C3orf18: variants seen among roughly 807,000 people sequenced by gnomAD.
C3orf18 encodes chromosome 3 open reading frame 18, also known as uncharacterized protein C3orf18.
A neutral mutation model predicts 14.1 loss-of-function variants in C3orf18; 12 were observed. The observed-to-expected ratio is 0.85, with a 90% CI of 0.55 to 1.38. The LOEUF (loss-of-function observed/expected upper bound fraction) is 1.38. Among genes scored for constraint, C3orf18 ranks in the 40% most tolerant of loss-of-function variants. C3orf18 has a pLI of 0.00. For missense variants in C3orf18, 196 were observed against 213.9 expected (o/e 0.92, Z 0.52); for synonymous variants, 82 against 87.9 (o/e 0.93, Z 0.38).
At chr3:50,572,102 G>T, upstream of C3orf18, 2 of 1,613,704 alleles carry the variant, frequency 1.2e-6, no homozygotes, top group Non-Finnish European at 1.7e-6. Context: ...CCACCCAGCT[G>T]CCCCCTCTGC....
upstream of C3orf18, among the ~76,000 whole-genome samples, chr3:50,572,603 G>A (rs1701127363): frequency 2.0e-5 from 3 of 152,218 alleles, no homozygotes; most frequent in Non-Finnish European, 4.4e-5. Context: ...CCGGACACCT[G>A]GAGACCTGGT....
Position 50,559,694 on chromosome 3 carries a change from A to G in C3orf18, c.452T>C (p.Leu151Pro), listed in dbSNP as rs1448362084. Residue 151 changes from leucine to proline, a missense_variant, in exon 6 of 6, where the codon CTG becomes CCG. Transcript: ENST00000357203. ...SQGPLQRPSRLVFTDVANAIH... is the reference protein window; with the variant it reads ...SQGPLQRPSRPVFTDVANAIH... The stretch of plus-strand genomic sequence containing the variant: ...GGCATTGGCCACATCGGTAAACACC[A>G]GCCGGCTGGGTCTCTGCAGTGGGCC... 6 of 1,596,600 alleles carry G rather than the reference A, an allele frequency of 3.8e-6. No individual in the cohort carries two copies. The highest frequency in any genetic ancestry group is 1.1e-5 in the South Asian group (1 of 87,776).
chr3:50,567,387 C>T (rs80068458), intron 1 of C3orf18, 76 bp downstream of exon 1: 1,941 of 152,692 alleles, frequency 0.013, 36 homozygotes, highest in Non-Finnish European at 0.015. Flanking sequence ...GTCCTCCCTG[C>T]CCCAATCCCC....
In C3orf18 at chr3:50,559,303, A is replaced by C. The variant is rs1388599139; in HGVS notation, c.*354T>G. On this transcript the variant is annotated 3_prime_UTR_variant, in exon 6 of 6. Transcript: ENST00000357203. The stretch of plus-strand genomic sequence containing the variant: ...CCCCTTTCCTCCCCCAATCCCTCCC[A>C]CTCCGTATCTCCCTCATTTCCTCCA... 12 of 1,243,020 alleles carry C rather than the reference A, an allele frequency of 9.7e-6. No homozygotes were observed. In the South Asian group the frequency reaches 1.8e-4, roughly 18 times the overall value. The allele number at this position is 1,243,020 out of a possible 1,614,324, so 77.0% of individuals were successfully genotyped here. A position where few individuals can be genotyped will look rare whatever the true frequency, so the allele number is the denominator to read the frequency against.
upstream of C3orf18, chr3:50,571,567 G>A: frequency 1.2e-6 from 1 of 817,036 alleles, no homozygotes; most frequent in Non-Finnish European, 2.1e-6. Context: ...GTAACCTTAG[G>A]CAGGATGCTG....
Position 50,565,613 on chromosome 3 carries a change from C to G in C3orf18, c.87G>C (p.Gly29=), listed in dbSNP as rs1700244348. The part of the protein sequence containing the change: ...SESDLEPATD[G]PASETTTLSP... ...TGAGGGTAGTGGTCTCGGAGGCTGG[C>G]CCATCTGTGGCAGGTTCCAGGTCAG... Residue 29 remains glycine, a synonymous_variant, in exon 3 of 6, where the codon GGG becomes GGC. Coordinates refer to ENST00000357203, the MANE Select transcript of C3orf18 (RefSeq NM_016210.5). This position sits in a 1 kb window ranked among gnomAD's most constrained non-coding sequence, Gnocchi z 4.4. 1 of 1,613,830 alleles carries G rather than the reference C, an allele frequency of 6.2e-7. No individual in the cohort carries two copies. The highest frequency in any genetic ancestry group is 1.3e-5 in the African/African-American group (1 of 75,026).
chr3:50,558,834 T>A lies in C3orf18; in HGVS notation c.*823A>T. ...TCCACTACATACCATGGGGTAGAGG[T>A]CGACTTGGAGGGTGGGGCCAGTGTG... On this transcript the variant is annotated 3_prime_UTR_variant, in exon 6 of 6. Coordinates refer to ENST00000357203, the MANE Select transcript of C3orf18 (RefSeq NM_016210.5). The A allele has an allele frequency of 1.6e-6, 2 of 1,289,648 alleles. No individual in the cohort carries two copies. Among genetic ancestry groups the A allele is most frequent in the East Asian group, 1.1e-4 (2 of 18,004 alleles). 79.9% of individuals were successfully genotyped at this position (1,289,648 alleles called of 1,614,324 possible).
intron 3 of C3orf18, 107 bp from the exon 4 acceptor site, chr3:50,561,854 GGTCCCC>G: frequency 8.6e-7 from 1 of 1,164,680 alleles, no homozygotes; most frequent in South Asian, 1.2e-5. Context: ...GAGACCCGTG[GGTCCCC>G]GTCCTAATGA....
At chr3:50,571,607 T>C, upstream of C3orf18, 1 of 1,083,548 alleles carries the variant, frequency 9.2e-7, no homozygotes, top group Non-Finnish European at 1.4e-6. Context: ...ATGAGAGGGT[T>C]GGGCCTCCAG....
At chr3:50,571,547 T>G (rs1187658122), upstream of C3orf18, 30 of 739,752 alleles carry the variant, frequency 4.1e-5, no homozygotes, top group Non-Finnish European at 4.4e-5. Context: ...GGAAGCCTGG[T>G]GTTAGCTGTG....
At chr3:50,563,708 G>A (rs900803052) in intron 3 of C3orf18, among the ~76,000 whole-genome samples, 2 of 152,190 alleles carry the variant, frequency 1.3e-5, no homozygotes, top group Non-Finnish European at 2.9e-5. Flanking sequence ...CCTGTCTCCG[G>A]TCCCCAGGAG....
intron 3 of C3orf18, 49 bp from the exon 4 acceptor site, chr3:50,561,796 G>A (rs757162591): frequency 6.2e-7 from 1 of 1,605,700 alleles, no homozygotes. Flanking sequence ...AGGCCCTGAG[G>A]AACCCAGCAG....
In C3orf18 at chr3:50,560,977, C is replaced by T. The variant is rs370603003; in HGVS notation, c.348G>A (p.Glu116=). The change falls in exon 5 of 6, where the codon GAG becomes GAA. Residue 116 remains glutamate (E), a synonymous_variant. Transcript: ENST00000357203. ...GTACAGAGGCGGCGTCCCGCCCATG[C>T]TCCAGCAGCTCCTGCTCCAACTCAT... ...EQDELEQELL[E]HGRDAASVQA... 313 of 1,614,074 alleles carry T rather than the reference C, an allele frequency of 1.9e-4. 1 individual carries two copies. The highest frequency in any genetic ancestry group is 1.3e-4 in the Non-Finnish European group (148 of 1,180,030).
At chr3:50,572,443 T>C (rs778126944), upstream of C3orf18, among the ~76,000 whole-genome samples, 18 of 152,348 alleles carry the variant, frequency 1.2e-4, no homozygotes, top group Admixed American at 5.2e-4. Context: ...GGTCTGGCAA[T>C]GGCCCAGAGT....
upstream of C3orf18, among the ~76,000 whole-genome samples, chr3:50,573,888 C>T (rs1171347749): frequency 2.0e-5 from 3 of 152,224 alleles, no homozygotes; most frequent in Non-Finnish European, 2.9e-5. Flanking sequence ...GTAGGAAACT[C>T]AGGGCTGGGG....
At chr3:50,561,867 A>G in intron 3 of C3orf18, 120 bp from the exon 4 acceptor site, 7 of 953,424 alleles carry the variant, frequency 7.3e-6, no homozygotes, top group South Asian at 2.7e-5. Context: ...CCCCGTCCTA[A>G]TGACACATAC....
At chr3:50,566,553 G>C (rs1257459733) in intron 1 of C3orf18, among the ~76,000 whole-genome samples, 1 of 152,122 alleles carries the variant, frequency 6.6e-6, no homozygotes, top group African/African-American at 2.4e-5. Context: ...GTCACAAAGG[G>C]GAGCCAAGGG....
chr3:50,564,763 A>G (rs537727246), intron 3 of C3orf18, among the ~76,000 whole-genome samples: 2 of 152,246 alleles, frequency 1.3e-5, no homozygotes, highest in African/African-American at 4.8e-5. Context: ...TGCACAGATC[A>G]TCTTACCCAG....
At chr3:50,572,070 G>T (rs1307020680), upstream of C3orf18, 8 of 1,612,432 alleles carry the variant, frequency 5.0e-6, no homozygotes, top group Non-Finnish European at 6.8e-6. Context: ...GGTCCTGTTG[G>T]TCCTAGCTCT....
Sources: gnomAD v4.1 joint callset for allele counts (sites outside exome capture counted in the v4.1 genomes callset) on GRCh38, gnomAD v4.1.1 for gene constraint, Gnocchi (gnomAD v3.1) non-coding constraint, MANE v1.5 for transcripts, NCBI Gene and HGNC (gene_info 2026-07-23, HGNC 2026-07-21) for gene names.